LRRC4C: variants seen among roughly 807,000 people sequenced by gnomAD.
LRRC4C encodes leucine-rich repeat-containing protein 4C.
LRRC4C carries 5 observed loss-of-function variants against 33.6 expected under a neutral mutation model. The observed-to-expected ratio is 0.15, with a 90% CI of 0.08 to 0.31. The LOEUF is 0.31. Among genes scored for constraint, LRRC4C ranks in the 10% least tolerant of loss-of-function variants. LRRC4C has a pLI of 1.00. For missense variants in LRRC4C, 560 were observed against 796.7 expected, an observed-to-expected ratio of 0.70 and a Z score of 3.58; for synonymous variants, 329 against 302.0, an observed-to-expected ratio of 1.09 and a Z score of -0.93.
intron 2 of LRRC4C, among the ~76,000 whole-genome samples, chr11:40,870,791 C>T (rs1009242672): frequency 6.6e-5 from 10 of 152,070 alleles, no homozygotes; most frequent in Non-Finnish European, 1.3e-4. Context: ...TGTGTTTGAA[C>T]AATATGAAAT....
At chr11:40,949,177 T>C (rs2136692182) in intron 1 of LRRC4C, among the ~76,000 whole-genome samples, 1 of 152,282 alleles carries the variant, frequency 6.6e-6, no homozygotes, top group Admixed American at 6.5e-5. Flanking sequence ...TTTTGAGAAG[T>C]GTCTGTTCAT....
chr11:41,050,706 G>C (rs962485893), intron 1 of LRRC4C, among the ~76,000 whole-genome samples: 1 of 152,052 alleles, frequency 6.6e-6, no homozygotes, highest in Non-Finnish European at 1.5e-5. Flanking sequence ...GGGCATTTGG[G>C]GTGGTTCCAA....
chr11:40,424,832 A>T (rs1950653453), intron 3 of LRRC4C, among the ~76,000 whole-genome samples: 1 of 152,234 alleles, frequency 6.6e-6, no homozygotes, highest in Non-Finnish European at 1.5e-5. Flanking sequence ...TCTGAGGAAA[A>T]GTGAGGTTGG....
intron 1 of LRRC4C, among the ~76,000 whole-genome samples, chr11:40,940,361 T>C (rs1958089542): frequency 6.6e-6 from 1 of 152,144 alleles, no homozygotes; most frequent in African/African-American, 2.4e-5. Context: ...ATCTTCATTT[T>C]ACCAAGCGGG....
chr11:40,719,217 GT>G, intron 2 of LRRC4C, among the ~76,000 whole-genome samples: 1 of 152,190 alleles, frequency 6.6e-6, no homozygotes, highest in African/African-American at 2.4e-5. Context: ...TTGTGAACAT[GT>G]AATCATCTCT....
At chr11:40,627,579 A>T (rs2135991902) in intron 3 of LRRC4C, among the ~76,000 whole-genome samples, 1 of 152,320 alleles carries the variant, frequency 6.6e-6, no homozygotes, top group Middle Eastern at 3.4e-3. Flanking sequence ...TTGCCTGGAC[A>T]GGTAGCTGCA....
chr11:41,393,436 C>A (rs1477508250), intron 1 of LRRC4C, among the ~76,000 whole-genome samples: 1 of 151,588 alleles, frequency 6.6e-6, no homozygotes, highest in Non-Finnish European at 1.5e-5. Context: ...AAAACTGATC[C>A]ATGTGCAATG....
chr11:41,178,890 A>T (rs1945323276), intron 1 of LRRC4C, among the ~76,000 whole-genome samples: 1 of 152,054 alleles, frequency 6.6e-6, no homozygotes, highest in Non-Finnish European at 1.5e-5. Flanking sequence ...TTTAGTAGAG[A>T]CAGGGTTTCA....
chr11:40,708,947 T>A (rs1012533159), intron 2 of LRRC4C, among the ~76,000 whole-genome samples: 3 of 152,202 alleles, frequency 2.0e-5, no homozygotes, highest in Non-Finnish European at 4.4e-5. Context: ...GTTGAATTGA[T>A]CCCTTTACCA....
intron 2 of LRRC4C, among the ~76,000 whole-genome samples, chr11:40,904,085 A>G (rs12418491): frequency 0.059 from 8,932 of 152,238 alleles, 381 homozygotes; most frequent in Admixed American, 0.15. Flanking sequence ...AATTTCATCC[A>G]ATGAGGAGTT....
intron 1 of LRRC4C, among the ~76,000 whole-genome samples, chr11:41,215,973 T>C (rs558049955): frequency 6.6e-6 from 1 of 152,322 alleles, no homozygotes; most frequent in East Asian, 1.9e-4. Context: ...GCCTACCTCG[T>C]ATGCAGTTGA....
intron 2 of LRRC4C, among the ~76,000 whole-genome samples, chr11:40,783,700 G>A (rs1950305549): frequency 6.6e-6 from 1 of 152,118 alleles, no homozygotes; most frequent in African/African-American, 2.4e-5. Context: ...TGGAATTTGT[G>A]TTAAAAATGC....
chr11:40,244,789 G>C (rs1431049116), intron 4 of LRRC4C, among the ~76,000 whole-genome samples: 1 of 151,980 alleles, frequency 6.6e-6, no homozygotes, highest in East Asian at 1.9e-4. Flanking sequence ...TAAAAAGAGA[G>C]AGCTCATTGA....
intron 3 of LRRC4C, among the ~76,000 whole-genome samples, chr11:40,590,142 C>T (rs1283948682): frequency 1.3e-5 from 2 of 151,830 alleles, no homozygotes; most frequent in African/African-American, 4.8e-5. Flanking sequence ...GGTCTTTTCA[C>T]ATAGTCCCAT....
At chr11:40,750,851 C>T (rs1425578883) in intron 2 of LRRC4C, among the ~76,000 whole-genome samples, 1 of 148,406 alleles carries the variant, frequency 6.7e-6, no homozygotes, top group Non-Finnish European at 1.5e-5. Context: ...CCCTGCTGAA[C>T]AAAGATATAA....
chr11:40,360,241 T>C (rs986422533), intron 3 of LRRC4C, among the ~76,000 whole-genome samples: 1 of 152,154 alleles, frequency 6.6e-6, no homozygotes, highest in Non-Finnish European at 1.5e-5. Context: ...CAGAGCCTTC[T>C]CCTTGAGTTT....
chr11:40,346,742 A>G (rs1279114333), intron 3 of LRRC4C, among the ~76,000 whole-genome samples: 1 of 152,206 alleles, frequency 6.6e-6, no homozygotes, highest in Non-Finnish European at 1.5e-5. Context: ...ATCTCTTTGT[A>G]TGTCTTCATC....
chr11:41,203,164 T>C (rs1946468817), intron 1 of LRRC4C, among the ~76,000 whole-genome samples: 1 of 152,170 alleles, frequency 6.6e-6, no homozygotes, highest in Non-Finnish European at 1.5e-5. Context: ...CATTTACTGT[T>C]TTATCTGTCA....
intron 5 of LRRC4C, among the ~76,000 whole-genome samples, chr11:40,237,909 A>G (rs920639502): frequency 6.6e-6 from 1 of 152,200 alleles, no homozygotes; most frequent in African/African-American, 2.4e-5. Flanking sequence ...AGGGCTGCAA[A>G]GTGATCTGCA....
Sources: gnomAD v4.1 joint callset for allele counts (sites outside exome capture counted in the v4.1 genomes callset) on GRCh38, gnomAD v4.1.1 for gene constraint, MANE v1.5 for transcripts, NCBI Gene and HGNC (gene_info 2026-07-23, HGNC 2026-07-21) for gene names.